The following IFI27 variants were observed in gnomAD, a reference collection of about 807,000 sequenced individuals.
IFI27 encodes interferon alpha-inducible protein 27, mitochondrial.
A neutral mutation model predicts 8.9 loss-of-function variants in IFI27; 3 were observed. The observed-to-expected ratio is 0.34, with a 90% CI of 0.15 to 0.87. The LOEUF is 0.87. Among genes scored for constraint, IFI27 ranks in the 40% least tolerant of loss-of-function variants. The pLI is 0.51. For synonymous variants in IFI27, 66 were observed against 67.3 expected, an observed-to-expected ratio of 0.98 and a Z score of 0.09; for missense variants, 152 against 157.7, an observed-to-expected ratio of 0.96 and a Z score of 0.19.
At position 94,111,675 on chromosome 14, in the gene IFI27, G is replaced by C. The variant is rs751211229; in HGVS notation, c.-8G>C. ...ACTCTCTAGGCCACGGAATTAACCC[G>C]AGCAGGCATGGAGGCCTCTGCTCTC... On this transcript the variant is annotated 5_prime_UTR_variant, in exon 2 of 5. Coordinates refer to ENST00000621160, the Ensembl canonical transcript of IFI27. The surrounding 1 kb of genome is among the most constrained non-coding windows in gnomAD (Gnocchi z 4.3). 1 of 1,613,214 alleles carries C rather than the reference G, an allele frequency of 6.2e-7. No homozygotes were observed. The highest frequency in any genetic ancestry group is 1.3e-5 in the African/African-American group (1 of 75,042).
intron 3 of IFI27, chr14:94,115,394 A>C: frequency 1.9e-6 from 1 of 536,136 alleles, no homozygotes; most frequent in Admixed American, 2.2e-5. Context: ...TGTGCCTCTT[A>C]CATAATCTCC....
intron 3 of IFI27, 68 bp downstream of exon 3, chr14:94,114,948 G>A: frequency 6.9e-7 from 1 of 1,458,302 alleles, no homozygotes; most frequent in Non-Finnish European, 9.6e-7. Context: ...GGAGCAGCTG[G>A]CCTTGTCCAT....
upstream of IFI27, among the ~76,000 whole-genome samples, chr14:94,108,697 TC>T (rs1344026187): frequency 2.6e-5 from 4 of 151,590 alleles, no homozygotes; most frequent in African/African-American, 9.7e-5. Context: ...TAGATCGCCA[TC>T]AGTGTGGCTT....
intron 3 of IFI27, chr14:94,115,438 C>A: frequency 1.7e-6 from 1 of 579,192 alleles, no homozygotes. Flanking sequence ...GAGATTTGCT[C>A]CCCAGCAAAG....
intron 2 of IFI27, chr14:94,113,066 G>A (rs1262741333): frequency 1.3e-5 from 2 of 152,242 alleles, no homozygotes; most frequent in African/African-American, 2.4e-5. Context: ...AACAACCCCA[G>A]AGGAAGATAA....
upstream of IFI27, among the ~76,000 whole-genome samples, chr14:94,110,228 T>G (rs2099083288): frequency 6.6e-6 from 1 of 152,236 alleles, no homozygotes; most frequent in South Asian, 2.1e-4. Context: ...CATTTAGTTA[T>G]TTATTATGTT....
chr14:94,115,007 G>A lies in IFI27; in HGVS notation c.121+127G>A. The stretch of plus-strand genomic sequence containing the variant: ...GGTCAGGGGAGGAGGTGGGGATGAG[G>A]GGCTAAGTATGAACCAAGGAGCTAG... On this transcript the variant is annotated intron_variant, in intron 3 of 4. Coordinates refer to ENST00000621160, the Ensembl canonical transcript of IFI27. 5 of 840,598 alleles carry A rather than the reference G, an allele frequency of 5.9e-6. No individual in the cohort carries two copies. In the South Asian group the frequency reaches 7.0e-5, roughly 12 times the overall value. 52.1% of individuals were successfully genotyped at this position (840,598 alleles called of 1,614,324 possible).
chr14:94,107,390 G>A (rs898057259), upstream of IFI27, among the ~76,000 whole-genome samples: 1 of 152,130 alleles, frequency 6.6e-6, no homozygotes, highest in Non-Finnish European at 1.5e-5. Flanking sequence ...TTAAAATTGG[G>A]TTATTCGATT....
rs1008379508 is a variant in IFI27 at position 94,112,148 on chromosome 14, A to G, written c.91+375A>G. The G allele has an allele frequency of 2.0e-5, 5 of 246,174 alleles. No homozygotes were observed. The South Asian group carries it at 3.8e-4, about 19-fold the overall frequency. 15.2% of individuals were successfully genotyped at this position (246,174 alleles called of 1,614,324 possible). On this transcript the variant is annotated intron_variant, in intron 2 of 4. Transcript: ENST00000621160. ...CCTTGTCAATAGGGCCCCGTGTCCT[A>G]TGGGATCTCACATCCAGAGTATCGA...
chr14:94,113,089 G>T (rs757620973), intron 2 of IFI27: 1 of 152,174 alleles, frequency 6.6e-6, no homozygotes, highest in Non-Finnish European at 1.5e-5. Context: ...AGATAATATC[G>T]TCCCTTATTT....
exon 4 of IFI27, chr14:94,115,894 G>C: frequency 5.0e-6 from 8 of 1,598,288 alleles, no homozygotes; most frequent in Non-Finnish European, 6.8e-6. Flanking sequence ...CATTGCCAAT[G>C]GGGGTGGAGT....
At chr14:94,109,893 T>G (rs1437370673), upstream of IFI27, among the ~76,000 whole-genome samples, 1 of 152,226 alleles carries the variant, frequency 6.6e-6, no homozygotes, top group Non-Finnish European at 1.5e-5. Flanking sequence ...AGGGTGAGCC[T>G]GACTGTGTCA....
In IFI27 at chr14:94,116,246, A is replaced by G. The variant is rs1280698343; in HGVS notation, c.284-196A>G. ...GCTGCTTCTAGCTCTGGAGTTCACCATGGGGGTTCATGCCTGCAGCAGCCT... is the reference window on the plus strand; with the variant it reads ...GCTGCTTCTAGCTCTGGAGTTCACCGTGGGGGTTCATGCCTGCAGCAGCCT... On this transcript the variant is annotated intron_variant, in intron 4 of 4. Transcript: ENST00000621160. The surrounding 1 kb of genome is among the most constrained non-coding windows in gnomAD (Gnocchi z 4.3). 4.6e-6 allele frequency: 3 copies of G among 647,636 alleles called. No homozygotes were observed. Among genetic ancestry groups the G allele is most frequent in the South Asian group, 3.5e-5 (2 of 56,952 alleles). 40.1% of individuals were successfully genotyped at this position (647,636 alleles called of 1,614,324 possible).
chr14:94,116,306 CAGAG>C lies in IFI27; in HGVS notation c.284-133_284-130del, dbSNP rs982988038. On this transcript the variant is annotated intron_variant, in intron 4 of 4. Transcript: ENST00000621160. This position sits in a 1 kb window ranked among gnomAD's most constrained non-coding sequence, Gnocchi z 4.3. ...CAAAGACCCCGAGGGTACTGGGAAA[CAGAG>C]AGGGGAACTGGGTGGGGTCTGTAAG... The C allele has an allele frequency of 1.9e-5, 13 of 679,740 alleles. No homozygotes were observed. The highest frequency in any genetic ancestry group is 1.1e-4 in the African/African-American group (6 of 55,996). 42.1% of individuals were successfully genotyped at this position (679,740 alleles called of 1,614,324 possible).
At chr14:94,109,136 A>G (rs1466011841), upstream of IFI27, among the ~76,000 whole-genome samples, 1 of 151,992 alleles carries the variant, frequency 6.6e-6, no homozygotes, top group African/African-American at 2.4e-5. Context: ...TCTACTAAAA[A>G]TACAAAAAAT....
At position 94,116,430 on chromosome 14, in the gene IFI27, GCTT is replaced by G; in HGVS notation, c.284-7_284-5del. Reference sequence around the variant, plus strand: ...GCATGTCCCACTCTGTCCACCCTCTGCTTCTTCCCAGGAGCAACTGGACTCTCC... The same window carrying G: ...GCATGTCCCACTCTGTCCACCCTCTGCTTCCCAGGAGCAACTGGACTCTCC... On this transcript the variant is annotated splice_polypyrimidine_tract_variant and intron_variant, in intron 4 of 4. Coordinates refer to ENST00000621160, the Ensembl canonical transcript of IFI27. This position sits in a 1 kb window ranked among gnomAD's most constrained non-coding sequence, Gnocchi z 4.3. 1.2e-6 allele frequency: 2 copies of G among 1,602,878 alleles called. No individual in the cohort carries two copies. Among genetic ancestry groups the G allele is most frequent in the Non-Finnish European group, 1.7e-6 (2 of 1,172,374 alleles).
rs555083810 is a variant in IFI27, at chr14:94,116,290, C to T, written c.284-152C>T. 23 of 660,340 alleles carry T rather than the reference C, an allele frequency of 3.5e-5. No homozygotes were observed. The highest frequency in any genetic ancestry group is 3.2e-4 in the African/African-American group (18 of 55,738). The allele number at this position is 660,340 out of a possible 1,614,324, so 40.9% of individuals were successfully genotyped here. On this transcript the variant is annotated intron_variant, in intron 4 of 4. Transcript: ENST00000621160. The surrounding 1 kb of genome is among the most constrained non-coding windows in gnomAD (Gnocchi z 4.3). ...GCAGCCTCTCCCCAAACAAAGACCC[C>T]GAGGGTACTGGGAAACAGAGAGGGG...
chr14:94,111,742 G>A lies in IFI27; in HGVS notation c.60G>A (p.Val20=), dbSNP rs765212537. 1.9e-6 allele frequency: 3 copies of A among 1,614,070 alleles called. No homozygotes were observed. The highest frequency in any genetic ancestry group is 1.3e-5 in the African/African-American group (1 of 74,926). ...CCAGTGTGGCCAAAGTGGTCAGGGT[G>A]GCCTCTGGCTCTGCCGTAGTTTTGC... Residue 20 remains valine (V), a synonymous_variant, in exon 2 of 5, where the codon GTG becomes GTA. Transcript: ENST00000621160. This position sits in a 1 kb window ranked among gnomAD's most constrained non-coding sequence, Gnocchi z 4.3.
upstream of IFI27, among the ~76,000 whole-genome samples, chr14:94,107,874 G>C (rs889404863): frequency 3.9e-5 from 6 of 151,944 alleles, no homozygotes; most frequent in African/African-American, 1.5e-4. Context: ...AAGTTCTAGG[G>C]TACATGTGCA....
Sources: allele counts gnomAD v4.1 joint callset (sites outside exome capture counted in the v4.1 genomes callset), GRCh38; gene constraint gnomAD v4.1.1; non-coding constraint Gnocchi (gnomAD v3.1); transcripts MANE v1.5; gene names NCBI Gene and HGNC (gene_info 2026-07-23, HGNC 2026-07-21).